The following ARFGEF1 variants were observed in gnomAD, a reference collection of about 807,000 sequenced individuals.
ARFGEF1 encodes the protein brefeldin A-inhibited guanine nucleotide-exchange protein 1.
In ARFGEF1, 42 loss-of-function variants were observed where a neutral mutation model predicts 231.0. That is an observed-to-expected ratio of 0.18 (90% CI 0.14 to 0.24). The LOEUF is 0.24. Ranked by LOEUF, ARFGEF1 falls within the 10% of genes least tolerant of loss-of-function variation. The pLI, the probability that ARFGEF1 is intolerant of heterozygous loss-of-function variation, is 1.00. For synonymous variants in ARFGEF1, 710 were observed against 732.3 expected (o/e 0.97, Z 0.49); for missense variants, 1,345 against 2,192.0 (o/e 0.61, Z 7.72).
At chr8:67,294,114 C>T (rs1028776873) in intron 5 of ARFGEF1, among the ~76,000 whole-genome samples, 3 of 151,854 alleles carry the variant, frequency 2.0e-5, no homozygotes, top group Admixed American at 2.0e-4. Context: ...AGTATAACAA[C>T]TATTTACAAA....
At chr8:67,227,877 G>T in intron 25 of ARFGEF1, 86 bp downstream of exon 25, 1 of 1,139,332 alleles carries the variant, frequency 8.8e-7, no homozygotes, top group African/African-American at 1.6e-5. Flanking sequence ...TTGCTTGGAA[G>T]GGAAAAAGGC....
chr8:67,240,325 T>C (rs2128879006), intron 19 of ARFGEF1, 35 bp from the exon 20 acceptor site: 10 of 1,536,542 alleles, frequency 6.5e-6, no homozygotes, highest in Non-Finnish European at 8.8e-6. Context: ...TAATTAAAGA[T>C]TATGATAACA....
chr8:67,190,301 G>C (rs1013893951), intron 5 of ARFGEF1, among the ~76,000 whole-genome samples: 1 of 152,150 alleles, frequency 6.6e-6, no homozygotes, highest in African/African-American at 2.4e-5. Context: ...ACACCTTATT[G>C]CTAAGTGAAA....
At chr8:67,297,685 C>T (rs915157093) in intron 4 of ARFGEF1, among the ~76,000 whole-genome samples, 1 of 152,146 alleles carries the variant, frequency 6.6e-6, no homozygotes, top group African/African-American at 2.4e-5. Context: ...AGCAAAGACT[C>T]TTATCTTTTG....
intron 10 of ARFGEF1, among the ~76,000 whole-genome samples, chr8:67,269,850 T>TTTCAAATTCA (rs1805003182): frequency 2.0e-5 from 3 of 152,162 alleles, no homozygotes; most frequent in African/African-American, 7.2e-5. Context: ...AAGTTTTTCC[T>TTTCAAATTCA]TTCAAATTCA....
In ARFGEF1 at chr8:67,214,940, A is replaced by T. The variant is rs969811544; in HGVS notation, c.4686+1650T>A. Among the ~76,000 whole-genome samples the T allele has an allele frequency of 3.3e-5, 5 of 152,306 alleles. No homozygotes were observed. The East Asian group carries it at 7.7e-4, about 24-fold the overall frequency. Reference sequence around the variant, plus strand: ...GCTCAGGCCCGAAGAAGCCAGCCATAGCCCCAGAGGGCAGAATATCAAGCC... The same window carrying T: ...GCTCAGGCCCGAAGAAGCCAGCCATTGCCCCAGAGGGCAGAATATCAAGCC... On this transcript the variant is annotated intron_variant, in intron 33 of 38. Transcript: ENST00000262215.
rs546889615 is a variant in ARFGEF1, at chr8:67,324,493, T to C, written c.124+18671A>G. Among the ~76,000 whole-genome samples, 31 of 152,282 alleles carry C rather than the reference T, an allele frequency of 2.0e-4. 1 individual carries two copies. Among genetic ancestry groups the C allele is most frequent in the African/African-American group, 7.0e-4 (29 of 41,556 alleles). On this transcript the variant is annotated intron_variant, in intron 1 of 38. Coordinates refer to ENST00000262215, the MANE Select transcript of ARFGEF1 (RefSeq NM_006421.5). The stretch of plus-strand genomic sequence containing the variant: ...CTATGGCAAACTCATCTAGTGATCT[T>C]CCAAGCCTGAAGTCCAGAGTGATTC...
At chr8:67,318,507 A>C (rs1242874074) in intron 1 of ARFGEF1, among the ~76,000 whole-genome samples, 1 of 152,208 alleles carries the variant, frequency 6.6e-6, no homozygotes, top group Non-Finnish European at 1.5e-5. Context: ...AGAGAGAAAT[A>C]CAACAGTTCT....
chr8:67,333,596 G>A (rs1052785655), intron 1 of ARFGEF1, among the ~76,000 whole-genome samples: 2 of 152,002 alleles, frequency 1.3e-5, no homozygotes, highest in African/African-American at 4.8e-5. Context: ...TTTCAGGTGT[G>A]AGCCGCCACA....
At chr8:67,268,595 A>G (rs1804944409) in intron 10 of ARFGEF1, among the ~76,000 whole-genome samples, 1 of 152,214 alleles carries the variant, frequency 6.6e-6, no homozygotes, top group African/African-American at 2.4e-5. Context: ...GCTATGATAA[A>G]AAACCAAGTA....
rs1286468438 is a variant in ARFGEF1, at chr8:67,201,126, AT to A, written c.5267+340del. 1.2e-4 allele frequency among the ~76,000 whole-genome samples: 18 copies of A among 152,302 alleles called. No individual in the cohort carries two copies. In the East Asian group the frequency reaches 3.3e-3, roughly 28 times the overall value. On this transcript the variant is annotated intron_variant, in intron 37 of 38. Coordinates refer to ENST00000262215, the MANE Select transcript of ARFGEF1 (RefSeq NM_006421.5). ...AGTAACGCTAAGAAAAACTCCAAAT[AT>A]TTTTTTCGAAGTAAATGCAGGCAGG...
chr8:67,290,105 T>C (rs1805944203), intron 6 of ARFGEF1, among the ~76,000 whole-genome samples: 1 of 152,220 alleles, frequency 6.6e-6, no homozygotes, highest in Non-Finnish European at 1.5e-5. Context: ...TCTGAACCAA[T>C]GGCTGTCAAA....
intron 28 of ARFGEF1, 41 bp from the exon 29 acceptor site, chr8:67,225,074 C>A: frequency 6.4e-7 from 1 of 1,554,028 alleles, no homozygotes; most frequent in Non-Finnish European, 8.7e-7. Context: ...CAAAACATAA[C>A]ACCCATACAT....
At position 67,238,912 on chromosome 8, in the gene ARFGEF1, T is replaced by C. The variant is rs1224128108; in HGVS notation, c.2980-19A>G. 5.6e-6 allele frequency: 9 copies of C among 1,609,060 alleles called. No homozygotes were observed. Among genetic ancestry groups the C allele is most frequent in the Non-Finnish European group, 6.8e-6 (8 of 1,176,090 alleles). ...TCTCCAGCTATAAAAAAGAGAAAAGTATGTTTACACAGTTCTAAATAGAGC... is the reference window on the plus strand; with the variant it reads ...TCTCCAGCTATAAAAAAGAGAAAAGCATGTTTACACAGTTCTAAATAGAGC... On this transcript the variant is annotated intron_variant, in intron 20 of 38. Coordinates refer to ENST00000262215, the MANE Select transcript of ARFGEF1 (RefSeq NM_006421.5).
intron 33 of ARFGEF1, among the ~76,000 whole-genome samples, chr8:67,214,715 T>C (rs997712422): frequency 6.6e-6 from 1 of 151,892 alleles, no homozygotes; most frequent in African/African-American, 2.4e-5. Flanking sequence ...AATGGCATGG[T>C]TTCTCTTAAC....
intron 7 of ARFGEF1, among the ~76,000 whole-genome samples, chr8:67,287,152 A>G (rs975266375): frequency 6.6e-6 from 1 of 152,206 alleles, no homozygotes; most frequent in Non-Finnish European, 1.5e-5. Context: ...GGATCCCACT[A>G]TTCCCAGAAC....
chr8:67,177,485 G>A (rs1831978963), intron 5 of ARFGEF1, among the ~76,000 whole-genome samples: 1 of 152,164 alleles, frequency 6.6e-6, no homozygotes. Flanking sequence ...TCATGTGAAT[G>A]GGAGAATTTT....
chr8:67,246,020 A>T lies in ARFGEF1; in HGVS notation c.2850+5279T>A, dbSNP rs1349879539. 3.3e-5 allele frequency among the ~76,000 whole-genome samples: 5 copies of T among 150,540 alleles called. No homozygotes were observed. The Admixed American group carries it at 3.3e-4, about 10-fold the overall frequency. On this transcript the variant is annotated intron_variant, in intron 19 of 38. Transcript: ENST00000262215. ...ACAAAGCCAATATGCAATGATAAAG[A>T]GGTCAATTCAGCAAGAGGATACAGC...
At chr8:67,179,837 T>C (rs775292247) in intron 5 of ARFGEF1, 19 of 1,503,168 alleles carry the variant, frequency 1.3e-5, no homozygotes, top group Non-Finnish European at 1.7e-5. Flanking sequence ...CTAATAAAAA[T>C]AGTCATTGAA....
Sources: gnomAD v4.1 joint callset for allele counts (sites outside exome capture counted in the v4.1 genomes callset) on GRCh38, gnomAD v4.1.1 for gene constraint, MANE v1.5 for transcripts, NCBI Gene and HGNC (gene_info 2026-07-23, HGNC 2026-07-21) for gene names.